Variants in ACP1 observed in about 807,000 individuals in gnomAD.
ACP1 encodes the protein acid phosphatase 1, also known as low molecular weight phosphotyrosine protein phosphatase.
Under a neutral mutation model 23.4 loss-of-function variants are expected in ACP1, and 23 were observed. That is an observed-to-expected ratio of 0.98 (90% CI 0.71 to 1.39). The LOEUF (loss-of-function observed/expected upper bound fraction) is 1.39. Ranked by LOEUF, ACP1 falls within the 40% of genes most tolerant of loss-of-function variation. ACP1 has a pLI of 0.00. For synonymous variants in ACP1, 72 were observed against 67.2 expected (o/e 1.07, Z -0.35); for missense variants, 180 against 197.7 (o/e 0.91, Z 0.54).
chr2:267,486 A>T (rs1400666361), intron 1 of ACP1, among the ~76,000 whole-genome samples: 4 of 152,212 alleles, frequency 2.6e-5, no homozygotes, highest in South Asian at 2.1e-4. Flanking sequence ...AAAGACTTGA[A>T]GGAGGTGAGG....
intron 5 of ACP1, 59 bp from the exon 6 acceptor site, chr2:277,168 G>T (rs1670197267): frequency 5.0e-6 from 8 of 1,593,566 alleles, no homozygotes; most frequent in African/African-American, 1.3e-5. Context: ...ATGAGATTGT[G>T]TTAAGGATGT....
intron 1 of ACP1, among the ~76,000 whole-genome samples, chr2:271,302 T>G (rs1670024247): frequency 1.3e-5 from 2 of 152,144 alleles, no homozygotes; most frequent in Admixed American, 1.3e-4. Flanking sequence ...CAAGCACAGA[T>G]GGAAAATACC....
At chr2:275,371 T>C in intron 4 of ACP1, 170 bp downstream of exon 4, 1 of 400,072 alleles carries the variant, frequency 2.5e-6, no homozygotes, top group Non-Finnish European at 4.5e-6. Context: ...TAATCTAGAA[T>C]TGTCTCTTAG....
chr2:267,192 A>G (rs1363710181), intron 1 of ACP1, among the ~76,000 whole-genome samples: 1 of 152,242 alleles, frequency 6.6e-6, no homozygotes, highest in Admixed American at 6.5e-5. Context: ...AACCTTGGAA[A>G]AGAGGGGACT....
intron 1 of ACP1, among the ~76,000 whole-genome samples, chr2:270,226 A>C (rs979096839): frequency 1.3e-5 from 2 of 152,190 alleles, no homozygotes; most frequent in Admixed American, 1.3e-4. Context: ...GGCATACAAA[A>C]TATGTTTGTT....
In ACP1 at chr2:277,228, G is replaced by A. The variant is rs768165451; in HGVS notation, c.401G>A (p.Gly134Glu). 1.2e-6 allele frequency: 2 copies of A among 1,613,926 alleles called. No individual in the cohort carries two copies. The highest frequency in any genetic ancestry group is 2.2e-5 in the East Asian group (1 of 44,890). Residue 134 changes from glycine to glutamate, a missense_variant and splice_region_variant, in exon 6 of 6, where the codon GGG becomes GAG. Coordinates refer to ENST00000272065, the MANE Select transcript of ACP1 (RefSeq NM_004300.4). ...TTCTTCTTTTTCCTGTCCATTTAGG[G>A]GAATGACTCTGACTTTGAGACGGTG... ...KQLIIEDPYY[G>E]NDSDFETVYQ...
Position 276,903 on chromosome 2 carries a change from C to T in ACP1, c.294-77C>T, listed in dbSNP as rs1179211344. 9.3e-6 allele frequency: 8 copies of T among 860,114 alleles called. No homozygotes were observed. In the African/African-American group the frequency reaches 1.2e-4, roughly 13 times the overall value. 53.3% of individuals were successfully genotyped at this position (860,114 alleles called of 1,614,324 possible). On this transcript the variant is annotated intron_variant, in intron 4 of 5. Coordinates refer to ENST00000272065, the MANE Select transcript of ACP1 (RefSeq NM_004300.4). ...TGTCTTGATTTTGATATGGATGTTTCAGAACACCCTAGCAGATGTCCCTGT... is the reference window on the plus strand; with the variant it reads ...TGTCTTGATTTTGATATGGATGTTTTAGAACACCCTAGCAGATGTCCCTGT...
Position 265,013 on chromosome 2 carries a change from A to C in ACP1, c.43+6A>C, listed in dbSNP as rs763210317. The C allele has an allele frequency of 2.5e-6, 4 of 1,612,602 alleles. No individual in the cohort carries two copies. The Admixed American group carries it at 6.7e-5, about 27-fold the overall frequency. On this transcript the variant is annotated splice_donor_region_variant and intron_variant, in intron 1 of 5. Transcript: ENST00000272065. ...CGTGCTGTTTGTGTGTCTGGGTAAG[A>C]GGGCGCCGACTTACTCATGTTCTGA...
At chr2:272,311 C>T in intron 3 of ACP1, 161 bp downstream of exon 3, 5 of 1,610,872 alleles carry the variant, frequency 3.1e-6, no homozygotes, top group Non-Finnish European at 4.2e-6. Flanking sequence ...GACAGGTAGA[C>T]AAGCTCTTGT....
intron 1 of ACP1, among the ~76,000 whole-genome samples, chr2:268,078 G>T (rs1669937068): frequency 6.6e-6 from 1 of 152,170 alleles, no homozygotes; most frequent in South Asian, 2.1e-4. Context: ...ATCTTGGGAG[G>T]CCATGTGAAG....
chr2:272,273 C>G (rs550145832), intron 3 of ACP1, 123 bp downstream of exon 3: 1 of 1,614,024 alleles, frequency 6.2e-7, no homozygotes, highest in African/African-American at 1.3e-5. Context: ...CCTAAGAAAT[C>G]ATGGCATTCA....
chr2:274,332 C>T (rs1670116834), intron 3 of ACP1, among the ~76,000 whole-genome samples: 1 of 152,150 alleles, frequency 6.6e-6, no homozygotes, highest in African/African-American at 2.4e-5. Flanking sequence ...CACCTTTGTT[C>T]CGCAGTACGT....
At chr2:272,302 A>C in intron 3 of ACP1, 152 bp downstream of exon 3, 3 of 1,612,788 alleles carry the variant, frequency 1.9e-6, no homozygotes, top group Non-Finnish European at 2.5e-6. Flanking sequence ...ATAAAGCAAG[A>C]CAGGTAGACA....
At chr2:271,834 C>T (rs1254919005) in intron 1 of ACP1, 32 bp from the exon 2 acceptor site, 1 of 1,579,734 alleles carries the variant, frequency 6.3e-7, no homozygotes, top group Non-Finnish European at 8.7e-7. Flanking sequence ...TCCAACCTAA[C>T]CCTGTTTCCC....
Position 277,325 on chromosome 2 carries a change from C to T in ACP1, c.*21C>T, listed in dbSNP as rs529906639. The T allele has an allele frequency of 1.2e-5, 20 of 1,610,388 alleles. No individual in the cohort carries two copies. The East Asian group carries it at 2.2e-4, about 18-fold the overall frequency. ...ACTGAGGCAGGTTCGTGCCCTGCTG[C>T]GGCCAGCCTGACTAGACCCCACCCT... On this transcript the variant is annotated 3_prime_UTR_variant, in exon 6 of 6. Transcript: ENST00000272065.
chr2:269,357 A>G, intron 1 of ACP1: 1 of 470,982 alleles, frequency 2.1e-6, no homozygotes, highest in Non-Finnish European at 4.4e-6. Context: ...AGTACGTAAT[A>G]TGCTTAGGTC....
chr2:271,785 C>A, intron 1 of ACP1, 81 bp from the exon 2 acceptor site: 1 of 1,066,072 alleles, frequency 9.4e-7, no homozygotes, highest in Non-Finnish European at 1.5e-6. Context: ...CCCCGTGTGT[C>A]AGGTGTGTAA....
chr2:268,081 A>G (rs1458168193), intron 1 of ACP1, among the ~76,000 whole-genome samples: 1 of 152,248 alleles, frequency 6.6e-6, no homozygotes, highest in African/African-American at 2.4e-5. Flanking sequence ...TTGGGAGGCC[A>G]TGTGAAGACT....
In ACP1 at chr2:272,043, G is replaced by A. The variant is rs1330136624; in HGVS notation, c.124G>A (p.Val42Ile). The change falls in exon 3 of 6, where the codon GTA becomes ATA. Residue 42 changes from valine (V) to isoleucine (I), a missense_variant. Physicochemically the swap from Val to Ile is conservative, Grantham distance 29. This residue lies in a region of ACP1 where 132 missense variants were observed against 124.1 expected (regional missense o/e 1.06). Coordinates refer to ENST00000272065, the MANE Select transcript of ACP1 (RefSeq NM_004300.4). Reference sequence around the variant, plus strand: ...CATGTTTCTTCCCCTGCAGTGGAGGGTAGACAGCGCGGCAACTTCCGGGTA... The same window carrying A: ...CATGTTTCTTCCCCTGCAGTGGAGGATAGACAGCGCGGCAACTTCCGGGTA... ...TDQNISENWR[V>I]DSAATSGYEI... 1 of 1,613,916 alleles carries A rather than the reference G, an allele frequency of 6.2e-7. No homozygotes were observed. The highest frequency in any genetic ancestry group is 1.3e-5 in the African/African-American group (1 of 74,850).
Sources: gnomAD v4.1 joint callset for allele counts (sites outside exome capture counted in the v4.1 genomes callset) on GRCh38, gnomAD v4.1.1 for gene constraint, gnomAD v4.1.1 regional missense constraint, MANE v1.5 for transcripts, NCBI Gene and HGNC (gene_info 2026-07-23, HGNC 2026-07-21) for gene names.